Variants in ME1 observed in about 807,000 individuals in gnomAD.
ME1 encodes the protein NADP-dependent malic enzyme.
A neutral mutation model predicts 66.4 loss-of-function variants in ME1; 74 were observed. That is an observed-to-expected ratio of 1.11 (90% CI 0.92 to 1.35). The LOEUF (loss-of-function observed/expected upper bound fraction) is 1.35, where lower values mean the gene tolerates loss of function less well. Ranked by LOEUF, ME1 falls within the 40% of genes most tolerant of loss-of-function variation. ME1 has a pLI of 0.00. For synonymous variants in ME1, 251 were observed against 235.6 expected (o/e 1.07, Z -0.60); for missense variants, 750 against 694.1 (o/e 1.08, Z -0.90).
At chr6:83,296,041 C>T (rs1767593274) in intron 6 of ME1, among the ~76,000 whole-genome samples, 8 of 151,948 alleles carry the variant, frequency 5.3e-5, no homozygotes, top group Admixed American at 5.2e-4. Context: ...CTATCACCCC[C>T]AAAAAAGCCC....
At chr6:83,241,965 C>T (rs1192320326) in intron 7 of ME1, among the ~76,000 whole-genome samples, 2 of 152,056 alleles carry the variant, frequency 1.3e-5, no homozygotes, top group African/African-American at 2.4e-5. Context: ...CAGGTTCAAG[C>T]GATTCTTCTG....
intron 9 of ME1, among the ~76,000 whole-genome samples, chr6:83,234,787 C>T (rs1457906854): frequency 2.6e-5 from 4 of 152,060 alleles, no homozygotes; most frequent in African/African-American, 9.7e-5. Context: ...TTTAATTGCT[C>T]ATCTTCAGGG....
chr6:83,427,436 G>A (rs1194818304), intron 1 of ME1, among the ~76,000 whole-genome samples: 3 of 152,120 alleles, frequency 2.0e-5, no homozygotes, highest in South Asian at 2.1e-4. Context: ...AGATTATCAA[G>A]CTTAAACCAC....
At chr6:83,215,679 T>C (rs959391734) in intron 13 of ME1, among the ~76,000 whole-genome samples, 3 of 152,070 alleles carry the variant, frequency 2.0e-5, no homozygotes, top group African/African-American at 7.2e-5. Flanking sequence ...GAAAAGGCCA[T>C]ATGGGGACAC....
At chr6:83,423,422 T>C (rs969664679) in intron 1 of ME1, among the ~76,000 whole-genome samples, 3 of 151,682 alleles carry the variant, frequency 2.0e-5, no homozygotes, top group African/African-American at 7.3e-5. Context: ...TGAAACAGAG[T>C]AACAGAAATA....
At chr6:83,349,040 A>G (rs551052842) in intron 4 of ME1, among the ~76,000 whole-genome samples, 2 of 149,546 alleles carry the variant, frequency 1.3e-5, no homozygotes, top group South Asian at 2.1e-4. Context: ...TTATTTCTTC[A>G]TAACTTTTAT....
chr6:83,315,946 G>A (rs1017785266), intron 5 of ME1, among the ~76,000 whole-genome samples: 2 of 151,710 alleles, frequency 1.3e-5, no homozygotes, highest in African/African-American at 4.8e-5. Context: ...ATTCCTAAAC[G>A]TTAAAAACAT....
chr6:83,381,596 C>A (rs190543977), intron 3 of ME1, among the ~76,000 whole-genome samples: 272 of 152,204 alleles, frequency 1.8e-3, no homozygotes, highest in African/African-American at 5.9e-3. Context: ...CTATAGCCAT[C>A]AGTACAGGAC....
chr6:83,223,950 T>C lies in ME1; in HGVS notation c.1276-17A>G. On this transcript the variant is annotated splice_polypyrimidine_tract_variant and intron_variant, in intron 11 of 13. Coordinates refer to ENST00000369705, the MANE Select transcript of ME1 (RefSeq NM_002395.6). The stretch of plus-strand genomic sequence containing the variant: ...TGCACGTCCCTACAACAAAGACACA[T>C]ACAACTCACTTTAAAAAGAAGCAGA... 1.2e-6 allele frequency: 2 copies of C among 1,605,714 alleles called. No individual in the cohort carries two copies. Among genetic ancestry groups the C allele is most frequent in the Non-Finnish European group, 1.7e-6 (2 of 1,174,976 alleles).
intron 6 of ME1, among the ~76,000 whole-genome samples, chr6:83,278,259 G>T (rs1388591418): frequency 6.6e-6 from 1 of 152,140 alleles, no homozygotes; most frequent in Non-Finnish European, 1.5e-5. Context: ...AATTGCTGGA[G>T]ACTCAGTGTA....
intron 12 of ME1, among the ~76,000 whole-genome samples, chr6:83,217,451 G>T (rs1790014374): frequency 6.6e-6 from 1 of 151,970 alleles, no homozygotes; most frequent in African/African-American, 2.4e-5. Flanking sequence ...ATTATTCTTT[G>T]CCATCAGCAA....
chr6:83,231,189 A>C (rs1790301146), intron 9 of ME1, among the ~76,000 whole-genome samples: 1 of 152,210 alleles, frequency 6.6e-6, no homozygotes, highest in Non-Finnish European at 1.5e-5. Flanking sequence ...TAAAAAAGAC[A>C]GATGAATAAT....
intron 7 of ME1, among the ~76,000 whole-genome samples, chr6:83,241,486 C>G (rs1158500908): frequency 1.3e-5 from 2 of 152,004 alleles, no homozygotes; most frequent in African/African-American, 4.8e-5. Flanking sequence ...TATGGTTATG[C>G]TAGATCACTT....
intron 7 of ME1, among the ~76,000 whole-genome samples, chr6:83,241,914 G>A (rs1177024682): frequency 1.3e-5 from 2 of 151,920 alleles, no homozygotes; most frequent in East Asian, 3.9e-4. Flanking sequence ...CCATGCTGGA[G>A]TGCAGTGGCG....
chr6:83,308,536 A>G (rs970419424), intron 6 of ME1, among the ~76,000 whole-genome samples: 1 of 151,852 alleles, frequency 6.6e-6, no homozygotes, highest in African/African-American at 2.4e-5. Context: ...CACATATTTA[A>G]GAGCTTTAAT....
rs527837319 is a variant in ME1 at position 83,313,523 on chromosome 6, G to A, written c.704+1787C>T. ...AACTCCTTCTCCCCTTATTTCATCA[G>A]CGTTTAAGTGCACCTAACTTGTTAG... On this transcript the variant is annotated intron_variant, in intron 6 of 13. Coordinates refer to ENST00000369705, the MANE Select transcript of ME1 (RefSeq NM_002395.6). 2.0e-5 allele frequency among the ~76,000 whole-genome samples: 3 copies of A among 152,120 alleles called. No homozygotes were observed. In the South Asian group the frequency reaches 6.2e-4, roughly 32 times the overall value.
intron 8 of ME1, among the ~76,000 whole-genome samples, chr6:83,238,799 A>ATATATATATATATATATAT (rs1554263094): frequency 0.02 from 2,773 of 138,830 alleles, 84 homozygotes; most frequent in Middle Eastern, 0.038. Context: ...TTTCTTGAAA[A>ATATATATATATATATATAT]ATATATATAT....
intron 1 of ME1, among the ~76,000 whole-genome samples, chr6:83,427,011 TTA>T (rs1318871617): frequency 6.6e-6 from 1 of 152,192 alleles, no homozygotes; most frequent in Non-Finnish European, 1.5e-5. Flanking sequence ...TGAAATATTA[TTA>T]GTCACATGAA....
chr6:83,393,470 G>A, intron 3 of ME1: 1 of 507,784 alleles, frequency 2.0e-6, no homozygotes, highest in Non-Finnish European at 3.6e-6. Flanking sequence ...CTCACTGCTG[G>A]AGAGTCCCTG....
Sources: gnomAD v4.1 joint callset for allele counts (sites outside exome capture counted in the v4.1 genomes callset) on GRCh38, gnomAD v4.1.1 for gene constraint, MANE v1.5 for transcripts, NCBI Gene and HGNC (gene_info 2026-07-23, HGNC 2026-07-21) for gene names.